The following ACAT2 variants were observed in gnomAD, a reference collection of about 807,000 sequenced individuals.
The protein encoded by ACAT2 is acetyl-CoA acetyltransferase 2.
Under a neutral mutation model 37.1 loss-of-function variants are expected in ACAT2, and 26 were observed. That is an observed-to-expected ratio of 0.70 (90% CI 0.51 to 0.97). ACAT2 has a LOEUF of 0.97. Among genes scored for constraint, ACAT2 ranks in the 50% least tolerant of loss-of-function variants. ACAT2 has a pLI of 0.00. For synonymous variants in ACAT2, 156 were observed against 163.6 expected (o/e 0.95, Z 0.35); for missense variants, 468 against 489.0 (o/e 0.96, Z 0.40).
chr6:159,778,915 C>T lies in ACAT2; in HGVS notation c.*86C>T. On this transcript the variant is annotated 3_prime_UTR_variant, in exon 9 of 9. Coordinates refer to ENST00000367048, the MANE Select transcript of ACAT2 (RefSeq NM_005891.3). ...TATGTGAAATCAGAGGACCAAAGTACAGATGGAAACCATTTCCTACATCAC... is the reference window on the plus strand; with the variant it reads ...TATGTGAAATCAGAGGACCAAAGTATAGATGGAAACCATTTCCTACATCAC... 9 of 1,581,098 alleles carry T rather than the reference C, an allele frequency of 5.7e-6. No individual in the cohort carries two copies. The highest frequency in any genetic ancestry group is 7.8e-6 in the Non-Finnish European group (9 of 1,159,510).
intron 8 of ACAT2, 27 bp from the exon 9 acceptor site, chr6:159,778,628 TAAAC>T (rs761363985): frequency 1.6e-5 from 26 of 1,607,022 alleles, no homozygotes; most frequent in Non-Finnish European, 2.1e-5. Context: ...CACAGAAGAA[TAAAC>T]AATCTAAATC....
At chr6:159,771,964 G>A (rs537969930) in intron 4 of ACAT2, among the ~76,000 whole-genome samples, 6 of 152,144 alleles carry the variant, frequency 3.9e-5, no homozygotes, top group East Asian at 1.9e-4. Flanking sequence ...GGTGGCTCAC[G>A]CCTGTAATCC....
In ACAT2 at chr6:159,762,162, C is replaced by T. The variant is rs758339068; in HGVS notation, c.55+20C>T. 3.1e-6 allele frequency: 5 copies of T among 1,606,372 alleles called. No individual in the cohort carries two copies. The South Asian group carries it at 3.3e-5, about 11-fold the overall frequency. The stretch of plus-strand genomic sequence containing the variant: ...TCATAGGTGAGTGGCCGGCGGGAGC[C>T]GCGCAGAGTCCGAGGCGCCTGCTGC... On this transcript the variant is annotated intron_variant, in intron 1 of 8. Transcript: ENST00000367048.
chr6:159,771,496 A>G (rs1050839003), intron 4 of ACAT2, among the ~76,000 whole-genome samples: 2 of 152,224 alleles, frequency 1.3e-5, no homozygotes, highest in Non-Finnish European at 1.5e-5. Context: ...TGGGGCAGAA[A>G]AAAACTGAAG....
At position 159,775,500 on chromosome 6, in the gene ACAT2, CTA is replaced by C. The variant is rs1206177933; in HGVS notation, c.634+189_634+190del. On this transcript the variant is annotated intron_variant, in intron 5 of 8. Transcript: ENST00000367048. The stretch of plus-strand genomic sequence containing the variant: ...TTTACAGGACACGGTAACATGGGAC[CTA>C]TGTCAGCACTCAAGCACTCTTGGTT... 1.6e-5 allele frequency: 10 copies of C among 629,668 alleles called. No homozygotes were observed. In the East Asian group the frequency reaches 3.0e-4, roughly 19 times the overall value. The allele number at this position is 629,668 out of a possible 1,614,324, so 39.0% of individuals were successfully genotyped here.
At chr6:159,776,129 A>G in intron 5 of ACAT2, 21 bp from the exon 6 acceptor site, 1 of 1,612,092 alleles carries the variant, frequency 6.2e-7, no homozygotes, top group Non-Finnish European at 8.5e-7. Flanking sequence ...AATCTTGAGT[A>G]ATTGGTTTTC....
chr6:159,778,305 G>A (rs774921990), intron 8 of ACAT2, 25 bp downstream of exon 8: 3 of 1,484,048 alleles, frequency 2.0e-6, no homozygotes, highest in East Asian at 2.3e-5. Context: ...GTAACCCTGA[G>A]AGCTTACCAG....
intron 4 of ACAT2, among the ~76,000 whole-genome samples, chr6:159,769,368 CTG>C: frequency 6.6e-6 from 1 of 152,284 alleles, no homozygotes; most frequent in Admixed American, 6.5e-5. Flanking sequence ...ATGGAAGACA[CTG>C]TGTGACCAAC....
At chr6:159,778,498 T>A (rs1391345561) in intron 8 of ACAT2, 161 bp from the exon 9 acceptor site, 2 of 840,070 alleles carry the variant, frequency 2.4e-6, no homozygotes, top group Non-Finnish European at 3.5e-6. Flanking sequence ...TAGGCAGGGA[T>A]GAATTTTCAC....
chr6:159,762,792 G>C, intron 1 of ACAT2, 127 bp from the exon 2 acceptor site: 2 of 1,594,010 alleles, frequency 1.3e-6, no homozygotes, highest in Non-Finnish European at 1.7e-6. Flanking sequence ...AGGAACGTGT[G>C]GGAGGAGAGG....
intron 1 of ACAT2, chr6:159,762,636 G>A: frequency 2.8e-6 from 4 of 1,430,050 alleles, no homozygotes; most frequent in South Asian, 2.4e-5. Context: ...TGTTTGGGAA[G>A]CATGGGGTCG....
intron 4 of ACAT2, 58 bp from the exon 5 acceptor site, chr6:159,775,112 G>T: frequency 6.3e-7 from 1 of 1,586,318 alleles, no homozygotes; most frequent in South Asian, 1.1e-5. Context: ...GACGACTTGA[G>T]CTATCAAATG....
Position 159,778,792 on chromosome 6 carries a change from G to T in ACAT2, c.1157G>T (p.Gly386Val). 6.2e-7 allele frequency: 1 copy of T among 1,614,230 alleles called. No homozygotes were observed. Among genetic ancestry groups the T allele is most frequent in the Non-Finnish European group, 8.5e-7 (1 of 1,180,036 alleles). The part of the protein sequence containing the change: ...SRGVAALCIG[G>V]GMGIAMCVQR... ...GGTGTTGCAGCCCTGTGCATTGGGGGTGGGATGGGAATAGCAATGTGTGTT... is the reference window on the plus strand; with the variant it reads ...GGTGTTGCAGCCCTGTGCATTGGGGTTGGGATGGGAATAGCAATGTGTGTT... Residue 386 changes from glycine (G) to valine (V), a missense_variant, in exon 9 of 9, where the codon GGT becomes GTT. Physicochemically the swap from Gly to Val is moderately radical, Grantham distance 109. Transcript: ENST00000367048.
rs1562481417 is a variant in ACAT2 at position 159,779,050 on chromosome 6, C to T, written c.*221C>T. On this transcript the variant is annotated 3_prime_UTR_variant, in exon 9 of 9. Transcript: ENST00000367048. ...TAAATAAAAGGAACATCAGATCAAT[C>T]ATTAAGGGCTCCAGAGTGAACAGCA... 5.0e-6 allele frequency: 8 copies of T among 1,612,868 alleles called. No individual in the cohort carries two copies. Among genetic ancestry groups the T allele is most frequent in the South Asian group, 1.1e-5 (1 of 90,996 alleles).
At chr6:159,766,407 T>A (rs959913086) in intron 2 of ACAT2, among the ~76,000 whole-genome samples, 2 of 139,686 alleles carry the variant, frequency 1.4e-5, no homozygotes, top group Admixed American at 1.7e-4. Context: ...CCCCCCGCAC[T>A]TTTTTTTTTT....
chr6:159,773,388 T>C (rs1780367752), intron 4 of ACAT2, among the ~76,000 whole-genome samples: 1 of 152,160 alleles, frequency 6.6e-6, no homozygotes, highest in African/African-American at 2.4e-5. Flanking sequence ...ATCTTCTAAA[T>C]ACATTTATCC....
intron 4 of ACAT2, among the ~76,000 whole-genome samples, chr6:159,771,954 G>A (rs1007195481): frequency 1.3e-5 from 2 of 152,284 alleles, no homozygotes; most frequent in African/African-American, 4.8e-5. Context: ...AGCCGGGCGC[G>A]GTGGCTCACG....
rs1780501261 is a variant in ACAT2 at position 159,778,893 on chromosome 6, G to A, written c.*64G>A. 3 of 1,602,846 alleles carry A rather than the reference G, an allele frequency of 1.9e-6. No homozygotes were observed. The highest frequency in any genetic ancestry group is 2.6e-6 in the Non-Finnish European group (3 of 1,172,586). ...CTAATAAAGTACTAGGTTGCAATAT[G>A]TGAAATCAGAGGACCAAAGTACAGA... On this transcript the variant is annotated 3_prime_UTR_variant, in exon 9 of 9. Coordinates refer to ENST00000367048, the MANE Select transcript of ACAT2 (RefSeq NM_005891.3).
intron 4 of ACAT2, among the ~76,000 whole-genome samples, chr6:159,769,892 A>G (rs1780309858): frequency 6.6e-6 from 1 of 152,236 alleles, no homozygotes; most frequent in African/African-American, 2.4e-5. Flanking sequence ...TCAAATACTA[A>G]GCTTGTAGAT....
Sources: gnomAD v4.1 joint callset for allele counts (sites outside exome capture counted in the v4.1 genomes callset) on GRCh38, gnomAD v4.1.1 for gene constraint, MANE v1.5 for transcripts, NCBI Gene and HGNC (gene_info 2026-07-23, HGNC 2026-07-21) for gene names.